The following SNTG1 variants were observed in gnomAD, a reference collection of about 807,000 sequenced individuals.
SNTG1 encodes syntrophin gamma 1.
Under a neutral mutation model 74.7 loss-of-function variants are expected in SNTG1, and 39 were observed. The ratio of observed to expected loss-of-function variants is 0.52; its 90% CI spans 0.40 to 0.68. SNTG1 has a LOEUF of 0.68. Ranked by LOEUF, SNTG1 falls within the 30% of genes least tolerant of loss-of-function variation. The probability of loss-of-function intolerance (pLI) is 0.00; values close to 1 mark genes in which losing one functional copy is unlikely to be tolerated. For missense variants in SNTG1, 685 were observed against 609.5 expected, an observed-to-expected ratio of 1.12 and a Z score of -1.30; for synonymous variants, 254 against 217.1, an observed-to-expected ratio of 1.17 and a Z score of -1.49.
intron 1 of SNTG1, among the ~76,000 whole-genome samples, chr8:50,084,908 T>C (rs182822039): frequency 6.6e-6 from 1 of 152,356 alleles, no homozygotes; most frequent in East Asian, 1.9e-4. Context: ...ATGTGGCCAC[T>C]TGATCTTGGG....
intron 2 of SNTG1, among the ~76,000 whole-genome samples, chr8:50,278,373 TTA>T (rs2088237474): frequency 6.6e-6 from 1 of 152,170 alleles, no homozygotes; most frequent in Admixed American, 6.6e-5. Context: ...GCTTTGTACT[TTA>T]TGTCTGTCTG....
chr8:50,550,739 G>T (rs1194679774), intron 11 of SNTG1, among the ~76,000 whole-genome samples: 1 of 151,550 alleles, frequency 6.6e-6, no homozygotes, highest in Non-Finnish European at 1.5e-5. Context: ...TATCCATAAG[G>T]TTACCGTTAA....
chr8:50,259,915 T>C lies in SNTG1; in HGVS notation c.-28+87280T>C, dbSNP rs151005614. 2.0e-3 allele frequency among the ~76,000 whole-genome samples: 307 copies of C among 152,274 alleles called. 2 individuals are homozygous for C. The highest frequency in any genetic ancestry group is 6.9e-3 in the African/African-American group (288 of 41,554). Reference sequence around the variant, plus strand: ...TGGGGTTGGGAAACCGAAGCTGTAATTGATAAACTGGTGGATGAGTATTAA... The same window carrying C: ...TGGGGTTGGGAAACCGAAGCTGTAACTGATAAACTGGTGGATGAGTATTAA... On this transcript the variant is annotated intron_variant, in intron 2 of 18. Coordinates refer to ENST00000642720, the MANE Select transcript of SNTG1 (RefSeq NM_018967.5).
At chr8:50,546,378 A>AT (rs1450596769) in intron 11 of SNTG1, among the ~76,000 whole-genome samples, 1 of 140,280 alleles carries the variant, frequency 7.1e-6, no homozygotes, top group African/African-American at 3.0e-5. Flanking sequence ...GAGAAGGAAG[A>AT]CTTTTTTATT....
At chr8:50,224,083 A>G (rs1006811852) in intron 2 of SNTG1, among the ~76,000 whole-genome samples, 2 of 152,178 alleles carry the variant, frequency 1.3e-5, no homozygotes, top group African/African-American at 4.8e-5. Context: ...ATGCCTAAAT[A>G]TTATATAATA....
intron 2 of SNTG1, among the ~76,000 whole-genome samples, chr8:50,211,684 A>T (rs2084528909): frequency 6.6e-6 from 1 of 152,092 alleles, no homozygotes; most frequent in Non-Finnish European, 1.5e-5. Flanking sequence ...TCCACGTCTT[A>T]TTTTTTTAAA....
intron 13 of SNTG1, among the ~76,000 whole-genome samples, chr8:50,640,194 G>A (rs1410294665): frequency 6.6e-6 from 1 of 152,156 alleles, no homozygotes; most frequent in African/African-American, 2.4e-5. Context: ...ATTGTGTATG[G>A]TGCATCTGCC....
rs186047803 is a variant in SNTG1, at chr8:50,048,666, C to T, written c.-102-123895C>T. Among the ~76,000 whole-genome samples the T allele has an allele frequency of 3.9e-5, 6 of 152,188 alleles. No individual in the cohort carries two copies. The East Asian group carries it at 1.2e-3, about 29-fold the overall frequency. The stretch of plus-strand genomic sequence containing the variant: ...AGTTTTTTCACTTAATTTATTAGTT[C>T]TGTTTTGTAGAATGTCGCTCATATT... On this transcript the variant is annotated intron_variant, in intron 1 of 18. Transcript: ENST00000642720.
chr8:50,508,888 G>A lies in SNTG1; in HGVS notation c.466+6008G>A, dbSNP rs139090719. 7.0e-3 allele frequency among the ~76,000 whole-genome samples: 1,061 copies of A among 152,086 alleles called. 34 individuals carry two copies. Among genetic ancestry groups the A allele is most frequent in the Admixed American group, 0.062 (947 of 15,272 alleles). ...TGTAGGCTGCCTGTTCACTCTGATG[G>A]TGGTTTCTTTTGCTGTGCAGAAGCT... On this transcript the variant is annotated intron_variant, in intron 9 of 18. Transcript: ENST00000642720.
intron 12 of SNTG1, among the ~76,000 whole-genome samples, chr8:50,568,611 C>A (rs565735844): frequency 6.6e-6 from 1 of 151,798 alleles, no homozygotes; most frequent in African/African-American, 2.4e-5. Flanking sequence ...TCTTCATATA[C>A]CTCTTGGCCA....
intron 13 of SNTG1, among the ~76,000 whole-genome samples, chr8:50,648,670 TA>T (rs1386786603): frequency 2.0e-5 from 3 of 152,092 alleles, no homozygotes; most frequent in Non-Finnish European, 2.9e-5. Context: ...TATGACATTT[TA>T]AAAACAGGAT....
At chr8:50,154,385 G>A (rs557310727) in intron 1 of SNTG1, among the ~76,000 whole-genome samples, 126 of 152,258 alleles carry the variant, frequency 8.3e-4, no homozygotes, top group African/African-American at 3.0e-3. Context: ...TCCTGGGTAA[G>A]GCGATGCCTC....
intron 2 of SNTG1, among the ~76,000 whole-genome samples, chr8:50,305,173 T>C (rs2089833548): frequency 6.6e-6 from 1 of 152,146 alleles, no homozygotes; most frequent in African/African-American, 2.4e-5. Flanking sequence ...TCTTGTATGT[T>C]GAAAGGAGTT....
intron 2 of SNTG1, among the ~76,000 whole-genome samples, chr8:50,220,189 A>G (rs1360424062): frequency 6.6e-6 from 1 of 152,078 alleles, no homozygotes; most frequent in Non-Finnish European, 1.5e-5. Context: ...CCTCAACATC[A>G]CATGAAATAT....
intron 2 of SNTG1, among the ~76,000 whole-genome samples, chr8:50,355,295 T>C (rs2091786562): frequency 1.3e-5 from 2 of 152,006 alleles, no homozygotes; most frequent in South Asian, 4.1e-4. Flanking sequence ...TTTTCATTAA[T>C]TAAATTGCCA....
At chr8:50,509,636 T>C (rs74466463) in intron 9 of SNTG1, among the ~76,000 whole-genome samples, 62,599 of 151,784 alleles carry the variant, frequency 0.41, 17,690 homozygotes, top group African/African-American at 0.81. Context: ...CTTCACATCC[T>C]TTCTAAGTTG....
At chr8:50,117,175 G>T (rs1295958454) in intron 1 of SNTG1, among the ~76,000 whole-genome samples, 1 of 151,834 alleles carries the variant, frequency 6.6e-6, no homozygotes. Context: ...ATCATCATTT[G>T]TCTTTGTTTT....
intron 13 of SNTG1, among the ~76,000 whole-genome samples, chr8:50,630,205 T>C (rs2094987174): frequency 6.6e-6 from 1 of 152,188 alleles, no homozygotes; most frequent in Non-Finnish European, 1.5e-5. Flanking sequence ...TCTATATCTG[T>C]ATTTTTCTAT....
intron 2 of SNTG1, among the ~76,000 whole-genome samples, chr8:50,317,062 G>A (rs1419800903): frequency 6.6e-6 from 1 of 152,154 alleles, no homozygotes; most frequent in Non-Finnish European, 1.5e-5. Context: ...AAGATAAATG[G>A]GGAGGAGAAG....
Sources: gnomAD v4.1 joint callset for allele counts (sites outside exome capture counted in the v4.1 genomes callset) on GRCh38, gnomAD v4.1.1 for gene constraint, MANE v1.5 for transcripts, NCBI Gene and HGNC (gene_info 2026-07-23, HGNC 2026-07-21) for gene names.